HABP2: variants seen among roughly 807,000 people sequenced by gnomAD.
HABP2 encodes the protein hyaluronan binding protein 2, also known as factor VII-activating protease.
A neutral mutation model predicts 66.5 loss-of-function variants in HABP2; 65 were observed. The observed-to-expected ratio is 0.98, with a 90% CI of 0.80 to 1.20. The LOEUF is 1.20. Among genes scored for constraint, HABP2 ranks in the 50% most tolerant of loss-of-function variants. The pLI, the probability that HABP2 is intolerant of heterozygous loss-of-function variation, is 0.00. For synonymous variants in HABP2, 263 were observed against 253.9 expected (o/e 1.04, Z -0.34); for missense variants, 786 against 691.0 (o/e 1.14, Z -1.54).
intron 1 of HABP2, among the ~76,000 whole-genome samples, chr10:113,559,708 C>A (rs1407682050): frequency 5.9e-5 from 9 of 152,210 alleles, no homozygotes. Context: ...GAACCAATGT[C>A]TTTAAAATGG....
In HABP2 at chr10:113,581,984, G is replaced by C; in HGVS notation, c.947G>C (p.Gly316Ala). The change falls in exon 9 of 13, where the codon GGA (glycine) becomes GCA (alanine). Residue 316 changes from glycine to alanine, a missense_variant. Physicochemically the swap from Gly to Ala is moderately conservative, Grantham distance 60. Coordinates refer to ENST00000351270, the MANE Select transcript of HABP2 (RefSeq NM_004132.5). ...IAERKIKRIY[G>A]GFKSTAGKHP... ...GAGAGGAAGATCAAGAGAATCTATG[G>C]AGGCTTTAAGAGCACGGCGGGCAAG... The C allele has an allele frequency of 1.2e-6, 2 of 1,614,200 alleles. No individual in the cohort carries two copies. The highest frequency in any genetic ancestry group is 1.7e-6 in the Non-Finnish European group (2 of 1,180,016).
chr10:113,578,187 T>A (rs1307082751), intron 6 of HABP2, 42 bp downstream of exon 6: 2 of 1,602,350 alleles, frequency 1.2e-6, no homozygotes, highest in Non-Finnish European at 1.7e-6. Flanking sequence ...GTGAGGCCTC[T>A]GGAACCCTTT....
intron 2 of HABP2, among the ~76,000 whole-genome samples, chr10:113,568,135 A>T (rs551308486): frequency 6.6e-6 from 1 of 152,322 alleles, no homozygotes; most frequent in East Asian, 1.9e-4. Context: ...CCTTGTGCCC[A>T]CAGCGTGCGC....
intron 2 of HABP2, among the ~76,000 whole-genome samples, chr10:113,573,954 A>G (rs1186230794): frequency 1.3e-5 from 2 of 152,186 alleles, no homozygotes; most frequent in Admixed American, 6.5e-5. Flanking sequence ...CTGCTGTTCA[A>G]AGATGAGAAA....
chr10:113,588,394 C>T lies in HABP2; in HGVS notation c.*25C>T. 1 of 1,584,240 alleles carries T rather than the reference C, an allele frequency of 6.3e-7. No homozygotes were observed. The highest frequency in any genetic ancestry group is 8.6e-7 in the Non-Finnish European group (1 of 1,161,786). ...AGGTACTGTCTTCTGGACCTCAGAGCCCACTCTCCTTGGCACCCTGACACC... is the reference window on the plus strand; with the variant it reads ...AGGTACTGTCTTCTGGACCTCAGAGTCCACTCTCCTTGGCACCCTGACACC... On this transcript the variant is annotated 3_prime_UTR_variant, in exon 13 of 13. Transcript: ENST00000351270.
chr10:113,588,933 A>G lies in HABP2; in HGVS notation c.*564A>G. Reference sequence around the variant, plus strand: ...CATCTGAAGCCTGTCTCTGGTGAACAAACTTCCTCTCTGGCCTCTCAGGAA... The same window carrying G: ...CATCTGAAGCCTGTCTCTGGTGAACGAACTTCCTCTCTGGCCTCTCAGGAA... On this transcript the variant is annotated 3_prime_UTR_variant, in exon 13 of 13. Transcript: ENST00000351270. The G allele has an allele frequency of 6.5e-7, 1 of 1,528,992 alleles. No homozygotes were observed. Among genetic ancestry groups the G allele is most frequent in the Non-Finnish European group, 9.1e-7 (1 of 1,104,142 alleles). The allele number at this position is 1,528,992 out of a possible 1,614,324, so 94.7% of individuals were successfully genotyped here.
intron 6 of HABP2, 101 bp from the exon 7 acceptor site, chr10:113,578,526 C>A: frequency 2.6e-6 from 2 of 757,280 alleles, no homozygotes; most frequent in Non-Finnish European, 4.5e-6. Flanking sequence ...GATAAATATG[C>A]AGGTCCAGTT....
chr10:113,588,323 T>C lies in HABP2; in HGVS notation c.1637T>C (p.Phe546Ser), dbSNP rs138619726. 4.2e-4 allele frequency: 683 copies of C among 1,613,522 alleles called. No individual in the cohort carries two copies. The highest frequency in any genetic ancestry group is 5.5e-4 in the Non-Finnish European group (654 of 1,179,732). ...RPGVYTQVTKFLNWIKATIKS... is the reference protein window; with the variant it reads ...RPGVYTQVTKSLNWIKATIKS... Reference sequence around the variant, plus strand: ...GGGGTCTACACCCAAGTTACCAAATTCCTGAATTGGATCAAAGCCACCATC... The same window carrying C: ...GGGGTCTACACCCAAGTTACCAAATCCCTGAATTGGATCAAAGCCACCATC... The change falls in exon 13 of 13, where the codon TTC (phenylalanine) becomes TCC (serine). Residue 546 changes from phenylalanine (F) to serine (S), a missense_variant. Transcript: ENST00000351270.
intron 1 of HABP2, among the ~76,000 whole-genome samples, chr10:113,558,689 A>T (rs972636012): frequency 2.0e-5 from 3 of 152,198 alleles, no homozygotes; most frequent in Non-Finnish European, 4.4e-5. Context: ...CGCAGGAGTG[A>T]GCACAGCTTC....
chr10:113,562,924 T>C (rs1845126449), intron 1 of HABP2, among the ~76,000 whole-genome samples: 2 of 152,258 alleles, frequency 1.3e-5, no homozygotes, highest in Non-Finnish European at 2.9e-5. Flanking sequence ...GAGCAAGGAC[T>C]CTGATGTGAG....
At chr10:113,577,944 C>T in intron 5 of HABP2, 82 bp from the exon 6 acceptor site, 1 of 1,530,142 alleles carries the variant, frequency 6.5e-7, no homozygotes. Context: ...CAGTAGAATG[C>T]CACCAATGTC....
chr10:113,554,075 G>C (rs977356428), intron 1 of HABP2, among the ~76,000 whole-genome samples: 19 of 151,818 alleles, frequency 1.3e-4, no homozygotes, highest in Non-Finnish European at 2.4e-4. Flanking sequence ...TAATCTCTCT[G>C]AGCCTCAGTG....
chr10:113,568,459 A>G (rs1431866278), intron 2 of HABP2, among the ~76,000 whole-genome samples: 4 of 152,248 alleles, frequency 2.6e-5, no homozygotes, highest in Non-Finnish European at 5.9e-5. Flanking sequence ...CTGGATGGGC[A>G]GAAAGATGAG....
In HABP2 at chr10:113,584,209, T is replaced by C; in HGVS notation, c.1299T>C (p.Thr433=). Residue 433 remains threonine (T), a synonymous_variant, in exon 11 of 13, where the codon ACT becomes ACC. Coordinates refer to ENST00000351270, the MANE Select transcript of HABP2 (RefSeq NM_004132.5). ...HCALESKYVK[T]VCLPDGSFPS... is the part of the protein sequence containing the mutation. ...CTCTAGAATCCAAATACGTGAAGAC[T>C]GTGTGCTTGCCTGATGGGTCCTTTC... 1 of 1,613,552 alleles carries C rather than the reference T, an allele frequency of 6.2e-7. No homozygotes were observed. Among genetic ancestry groups the C allele is most frequent in the Non-Finnish European group, 8.5e-7 (1 of 1,179,430 alleles).
rs1219495111 is a variant in HABP2 at position 113,588,813 on chromosome 10, A to C, written c.*444A>C. ...GTCTAGGTATCAGAGAGGACCACAAATACAACATTCTCCATCTGCTTTCAG... is the reference window on the plus strand; with the variant it reads ...GTCTAGGTATCAGAGAGGACCACAACTACAACATTCTCCATCTGCTTTCAG... On this transcript the variant is annotated 3_prime_UTR_variant, in exon 13 of 13. Coordinates refer to ENST00000351270, the MANE Select transcript of HABP2 (RefSeq NM_004132.5). The C allele has an allele frequency of 1.6e-5, 10 of 640,368 alleles. No individual in the cohort carries two copies. Among genetic ancestry groups the C allele is most frequent in the Non-Finnish European group, 2.5e-5 (9 of 359,782 alleles). 39.7% of individuals were successfully genotyped at this position (640,368 alleles called of 1,614,324 possible).
At chr10:113,553,710 TTA>T (rs929942268) in intron 1 of HABP2, among the ~76,000 whole-genome samples, 1 of 152,152 alleles carries the variant, frequency 6.6e-6, no homozygotes, top group African/African-American at 2.4e-5. Context: ...AGCTTTGTGT[TTA>T]GTACTTTGTC....
chr10:113,585,326 C>G (rs371510437), intron 11 of HABP2, among the ~76,000 whole-genome samples: 1 of 152,112 alleles, frequency 6.6e-6, no homozygotes, highest in Admixed American at 6.5e-5. Flanking sequence ...ATGTTCAAAG[C>G]CTTTATGTTC....
At position 113,572,795 on chromosome 10, in the gene HABP2, C is replaced by T. The variant is rs186858500; in HGVS notation, c.107-1494C>T. On this transcript the variant is annotated intron_variant, in intron 2 of 12. Coordinates refer to ENST00000351270, the MANE Select transcript of HABP2 (RefSeq NM_004132.5). ...CACTTCGGGAGAAATAATGAGCAAG[C>T]CAAGGGAGTCTTGACTTGACACTGT... is the stretch of plus-strand genomic sequence containing the variant. 1.2e-4 allele frequency: 47 copies of T among 393,162 alleles called. 1 individual carries two copies. In the East Asian group the frequency reaches 3.7e-3, roughly 31 times the overall value. 24.4% of individuals were successfully genotyped at this position (393,162 alleles called of 1,614,324 possible). A position where few individuals can be genotyped will look rare whatever the true frequency, so the allele number is the denominator to read the frequency against.
chr10:113,560,360 T>C (rs11575702), intron 1 of HABP2, among the ~76,000 whole-genome samples: 2 of 152,136 alleles, frequency 1.3e-5, no homozygotes, highest in African/African-American at 4.8e-5. Flanking sequence ...TTTTCGAGAA[T>C]GGGGAATAAC....
Sources: gnomAD v4.1 joint callset for allele counts (sites outside exome capture counted in the v4.1 genomes callset) on GRCh38, gnomAD v4.1.1 for gene constraint, MANE v1.5 for transcripts, NCBI Gene and HGNC (gene_info 2026-07-23, HGNC 2026-07-21) for gene names.